NINL: variants seen among roughly 807,000 people sequenced by gnomAD.
The protein encoded by NINL is ninein like, also known as ninein-like protein.
NINL carries 153 observed loss-of-function variants against 160.3 expected under a neutral mutation model. The observed-to-expected ratio is 0.95, with a 90% confidence interval of 0.84 to 1.09. The LOEUF (loss-of-function observed/expected upper bound fraction) is 1.09. Ranked by LOEUF, NINL falls within the 50% of genes least tolerant of loss-of-function variation. The pLI is 0.00. For missense variants in NINL, 1,829 were observed against 1,764.0 expected (o/e 1.04, Z -0.66); for synonymous variants, 800 against 734.8 (o/e 1.09, Z -1.43).
chr20:25,482,161 G>A (rs1012237181), intron 13 of NINL, 61 bp from the exon 14 acceptor site: 1 of 1,551,268 alleles, frequency 6.4e-7, no homozygotes, highest in Non-Finnish European at 8.7e-7. Flanking sequence ...CAGCGAGCTG[G>A]CCGAGCTGGC....
chr20:25,470,096 C>G lies in NINL; in HGVS notation c.3249-1G>C, dbSNP rs547684172. 1 of 1,613,420 alleles carries G rather than the reference C, an allele frequency of 6.2e-7. No homozygotes were observed. Among genetic ancestry groups the G allele is most frequent in the South Asian group, 1.1e-5 (1 of 91,062 alleles). ...TTCAGAAAGTCTATGGAACTCCAGT[C>G]TGCGTAAAAATTGAGAAAAGACCGG... On this transcript the variant is annotated splice_acceptor_variant, in intron 17 of 23. Coordinates refer to ENST00000278886, the MANE Select transcript of NINL (RefSeq NM_025176.6). LOFTEE classifies it high-confidence loss of function.
intron 16 of NINL, among the ~76,000 whole-genome samples, chr20:25,477,564 G>A (rs1398775897): frequency 6.6e-6 from 1 of 152,232 alleles, no homozygotes; most frequent in African/African-American, 2.4e-5. Context: ...GCCCGCAGGA[G>A]AGTCCAGTGG....
At chr20:25,467,901 A>G (rs2062958812) in intron 18 of NINL, among the ~76,000 whole-genome samples, 1 of 152,198 alleles carries the variant, frequency 6.6e-6, no homozygotes, top group Admixed American at 6.5e-5. Context: ...CAAGAAAACC[A>G]GAGAAAAAAT....
At chr20:25,572,400 C>T (rs1826915175) in intron 1 of NINL, among the ~76,000 whole-genome samples, 1 of 152,150 alleles carries the variant, frequency 6.6e-6, no homozygotes, top group South Asian at 2.1e-4. Flanking sequence ...CCACTGACCC[C>T]TCACTACGGT....
chr20:25,554,866 G>A (rs938391302), intron 1 of NINL, among the ~76,000 whole-genome samples: 1 of 152,084 alleles, frequency 6.6e-6, no homozygotes, highest in Non-Finnish European at 1.5e-5. Context: ...CAGGGACCCT[G>A]GGGAGCCCGC....
intron 1 of NINL, among the ~76,000 whole-genome samples, chr20:25,575,415 C>T (rs898529878): frequency 7.0e-6 from 1 of 143,532 alleles, no homozygotes; most frequent in African/African-American, 2.6e-5. Context: ...CCACTACACT[C>T]CAGCCTGGGC....
intron 13 of NINL, among the ~76,000 whole-genome samples, chr20:25,483,137 A>G (rs2063430804): frequency 6.7e-6 from 1 of 149,688 alleles, no homozygotes; most frequent in African/African-American, 2.6e-5. Flanking sequence ...GATCGAGACC[A>G]TCCTGGCCAA....
At position 25,509,790 on chromosome 20, in the gene NINL, C is replaced by T. The variant is rs865936705; in HGVS notation, c.517+884G>A. 17 of 440,186 alleles carry T rather than the reference C, an allele frequency of 3.9e-5. No homozygotes were observed. In the Middle Eastern group the frequency reaches 2.7e-3, roughly 70 times the overall value. The allele number at this position is 440,186 out of a possible 1,614,324, so 27.3% of individuals were successfully genotyped here. A position where few individuals can be genotyped will look rare whatever the true frequency, so the allele number is the denominator to read the frequency against. ...GTTGGTCTTTTCTATCCAAAATACTCTAGGATTCATAATTAATATATTTGT... is the reference window on the plus strand; with the variant it reads ...GTTGGTCTTTTCTATCCAAAATACTTTAGGATTCATAATTAATATATTTGT... On this transcript the variant is annotated intron_variant, in intron 5 of 23. Coordinates refer to ENST00000278886, the MANE Select transcript of NINL (RefSeq NM_025176.6).
chr20:25,513,921 C>CAGGTAGTTCCTTATAGCAACTACCCAG (rs1568932690), intron 3 of NINL, among the ~76,000 whole-genome samples: 4 of 152,180 alleles, frequency 2.6e-5, no homozygotes, highest in African/African-American at 9.7e-5. Context: ...ATTACCCAGT[C>CAGGTAGTTCCTTATAGCAACTACCCAG]TCAGGTAGTT....
chr20:25,479,175 A>G lies in NINL; in HGVS notation c.1949T>C (p.Leu650Pro), dbSNP rs777756467. The G allele has an allele frequency of 2.5e-6, 4 of 1,609,858 alleles. No homozygotes were observed. The highest frequency in any genetic ancestry group is 3.4e-6 in the Non-Finnish European group (4 of 1,177,474). The change falls in exon 16 of 24, where the codon CTG (leucine) becomes CCG (proline). Residue 650 changes from leucine (L) to proline (P), a missense_variant. Coordinates refer to ENST00000278886, the MANE Select transcript of NINL (RefSeq NM_025176.6). ...VNYYEREIAA[L>P]KRNFEKERKD... The stretch of plus-strand genomic sequence containing the variant: ...CCTCTCCTTCTCAAAGTTCCTTTTC[A>G]GTGCCGCAATTTCCCTTTCGTAGTA...
At chr20:25,534,983 A>G (rs2147013366) in intron 1 of NINL, among the ~76,000 whole-genome samples, 1 of 152,366 alleles carries the variant, frequency 6.6e-6, no homozygotes, top group South Asian at 2.1e-4. Context: ...TCACATGCCT[A>G]ACTACATTTT....
chr20:25,476,627 C>T lies in NINL; in HGVS notation c.2664G>A (p.Thr888=), dbSNP rs377035866. The T allele has an allele frequency of 5.7e-6, 9 of 1,592,020 alleles. No individual in the cohort carries two copies. The highest frequency in any genetic ancestry group is 6.8e-6 in the Non-Finnish European group (8 of 1,175,996). Residue 888 remains threonine (T), a synonymous_variant, in exon 17 of 24, where the codon ACG becomes ACA. Coordinates refer to ENST00000278886, the MANE Select transcript of NINL (RefSeq NM_025176.6). ...RRRQAQDTEA[T]QSPAPAPAPA... is the part of the protein sequence containing the mutation. The stretch of plus-strand genomic sequence containing the variant: ...GGGCAGGGGCGGGGGCCGGGCTCTG[C>T]GTAGCTTCTGTGTCCTGGGCTTGCC...
At chr20:25,581,532 G>A (rs558728953) in intron 1 of NINL, among the ~76,000 whole-genome samples, 89 of 151,960 alleles carry the variant, frequency 5.9e-4, no homozygotes, top group South Asian at 4.4e-3. Flanking sequence ...AGTCTCAAAT[G>A]CCACATGTGC....
chr20:25,540,058 T>C (rs1474795438), intron 1 of NINL: 2 of 1,286,334 alleles, frequency 1.6e-6, no homozygotes, highest in Non-Finnish European at 2.0e-6. Context: ...TTCTTCTTCA[T>C]GCAAACTGAA....
chr20:25,472,962 A>G (rs1288213486), intron 17 of NINL, among the ~76,000 whole-genome samples: 2 of 152,232 alleles, frequency 1.3e-5, no homozygotes, highest in Non-Finnish European at 2.9e-5. Flanking sequence ...AAAACTAGGA[A>G]CTACCCAAAT....
At chr20:25,463,006 G>A (rs1050430931) in intron 19 of NINL, among the ~76,000 whole-genome samples, 2 of 152,162 alleles carry the variant, frequency 1.3e-5, no homozygotes, top group Non-Finnish European at 2.9e-5. Context: ...TCATATCATT[G>A]TAATTGCTCT....
At chr20:25,499,027 G>A in intron 8 of NINL, 1 of 985,468 alleles carries the variant, frequency 1.0e-6, no homozygotes, top group Middle Eastern at 5.2e-4. Context: ...TCCTGGCTCT[G>A]CTTTCCACTT....
At chr20:25,565,652 G>A (rs532151644) in intron 1 of NINL, among the ~76,000 whole-genome samples, 35 of 152,184 alleles carry the variant, frequency 2.3e-4, no homozygotes, top group Non-Finnish European at 4.6e-4. Context: ...CATCTTGACT[G>A]AATAAAGAAA....
At position 25,459,259 on chromosome 20, in the gene NINL, G is replaced by A. The variant is rs1394480631; in HGVS notation, c.3697-730C>T. On this transcript the variant is annotated intron_variant, in intron 21 of 23. Transcript: ENST00000278886. ...TGGGCTGGGCCTGACATCACCACAT[G>A]GTGGAGGAAGAGGGAAGGCAACACC... Among the ~76,000 whole-genome samples the A allele has an allele frequency of 5.9e-5, 9 of 152,290 alleles. 1 individual carries two copies. The highest frequency in any genetic ancestry group is 2.2e-4 in the African/African-American group (9 of 41,548).
Sources: gnomAD v4.1 joint callset for allele counts (sites outside exome capture counted in the v4.1 genomes callset) on GRCh38, gnomAD v4.1.1 for gene constraint, MANE v1.5 for transcripts, NCBI Gene and HGNC (gene_info 2026-07-23, HGNC 2026-07-21) for gene names.